FOXP1: variants seen among roughly 807,000 people sequenced by gnomAD.
The protein encoded by FOXP1 is forkhead box P1, also known as forkhead box protein P1.
In FOXP1, 15 loss-of-function variants were observed where a neutral mutation model predicts 98.2. The ratio of observed to expected loss-of-function variants is 0.15; its 90% confidence interval spans 0.10 to 0.24. The LOEUF (loss-of-function observed/expected upper bound fraction) is 0.24, where lower values mean the gene tolerates loss of function less well. Ranked by LOEUF, FOXP1 falls within the 10% of genes least tolerant of loss-of-function variation. The pLI is 1.00. For missense variants in FOXP1, 633 were observed against 848.5 expected (o/e 0.75, Z 3.15); for synonymous variants, 371 against 314.5 (o/e 1.18, Z -1.90).
At chr3:71,065,066 T>TCCGCGGC (rs1221397754) in intron 7 of FOXP1, 135 of 139,984 alleles carry the variant, frequency 9.6e-4, no homozygotes, top group South Asian at 4.9e-3. Flanking sequence ...CACAATGGGC[T>TCCGCGGC]CCGCGGCCCG....
At chr3:71,062,261 T>G (rs1350620920) in intron 7 of FOXP1, among the ~76,000 whole-genome samples, 4 of 152,238 alleles carry the variant, frequency 2.6e-5, no homozygotes, top group Non-Finnish European at 5.9e-5. Flanking sequence ...TTCAGCTAGT[T>G]GAGATTTAAT....
At chr3:71,039,107 C>T (rs1443597905) in intron 11 of FOXP1, among the ~76,000 whole-genome samples, 1 of 151,936 alleles carries the variant, frequency 6.6e-6, no homozygotes. Flanking sequence ...TAGGAACCTA[C>T]TAGATAATAC....
chr3:71,118,502 A>G (rs2058536666), intron 6 of FOXP1, among the ~76,000 whole-genome samples: 1 of 152,222 alleles, frequency 6.6e-6, no homozygotes, highest in Non-Finnish European at 1.5e-5. Context: ...ACACATACAT[A>G]AAGCAAGCTG....
chr3:71,493,400 A>G (rs2091201396), intron 3 of FOXP1, 26 bp downstream of exon 3: 1 of 152,196 alleles, frequency 6.6e-6, no homozygotes, highest in Non-Finnish European at 1.5e-5. Context: ...TTTCAGATGA[A>G]TAATCACAAA....
At chr3:71,467,848 C>T (rs1235412303) in intron 3 of FOXP1, among the ~76,000 whole-genome samples, 1 of 152,184 alleles carries the variant, frequency 6.6e-6, no homozygotes, top group Non-Finnish European at 1.5e-5. Context: ...CGCACTTCTA[C>T]CAAATTTCCA....
In FOXP1 at chr3:70,955,843, C is replaced by CACACACACAG; in HGVS notation, c.*3403_*3404insCTGTGTGTGT. 1 of 233,166 alleles carries CACACACACAG rather than the reference C, an allele frequency of 4.3e-6. No homozygotes were observed. Among genetic ancestry groups the CACACACACAG allele is most frequent in the East Asian group, 6.0e-5 (1 of 16,582 alleles). The allele number at this position is 233,166 out of a possible 1,614,324, so 14.4% of individuals were successfully genotyped here. ...ACACACGCACGCGCGCACACACACA[C>CACACACACAG]ACACACACACACAAAACCTGTACAA... On this transcript the variant is annotated 3_prime_UTR_variant, in exon 21 of 21. Transcript: ENST00000649528.
chr3:71,547,214 G>A (rs1271734721), intron 2 of FOXP1, among the ~76,000 whole-genome samples: 1 of 152,146 alleles, frequency 6.6e-6, no homozygotes, highest in Non-Finnish European at 1.5e-5. Context: ...TTTAGGAAAG[G>A]TTACCCTTTC....
At chr3:71,503,250 T>C (rs2041541126) in intron 2 of FOXP1, among the ~76,000 whole-genome samples, 1 of 152,090 alleles carries the variant, frequency 6.6e-6, no homozygotes, top group South Asian at 2.1e-4. Context: ...ATGTTCCAAC[T>C]AGAAACAAAA....
At chr3:71,339,391 A>C (rs188253991) in intron 4 of FOXP1, among the ~76,000 whole-genome samples, 1 of 152,352 alleles carries the variant, frequency 6.6e-6, no homozygotes, top group East Asian at 1.9e-4. Flanking sequence ...CCTCTAAGGT[A>C]CATTATCATT....
At chr3:71,274,228 T>C (rs567342086) in intron 5 of FOXP1, among the ~76,000 whole-genome samples, 36 of 152,354 alleles carry the variant, frequency 2.4e-4, no homozygotes, top group Middle Eastern at 3.4e-3. Flanking sequence ...CTCAGGGATT[T>C]ATCCATTTTA....
At chr3:71,568,956 A>T (rs2047126672) in intron 2 of FOXP1, among the ~76,000 whole-genome samples, 1 of 152,182 alleles carries the variant, frequency 6.6e-6, no homozygotes, top group African/African-American at 2.4e-5. Context: ...CTGTTCTCTG[A>T]ATTTTCAAAT....
At position 70,972,543 on chromosome 3, in the gene FOXP1, T is replaced by C. The variant is rs981139510; in HGVS notation, c.1652+12A>G. ...CAAGCTAGGCTAAGAAGTTCAAACA[T>C]GGTGGACGTACCCACTGATCTTTTG... On this transcript the variant is annotated intron_variant, in intron 18 of 20. Coordinates refer to ENST00000649528, the MANE Select transcript of FOXP1 (RefSeq NM_001349338.3). The C allele has an allele frequency of 1.7e-5, 28 of 1,614,108 alleles. No homozygotes were observed. Among genetic ancestry groups the C allele is most frequent in the African/African-American group, 1.6e-4 (12 of 74,934 alleles).
At chr3:71,033,145 G>A (rs1414500506) in intron 11 of FOXP1, among the ~76,000 whole-genome samples, 1 of 152,150 alleles carries the variant, frequency 6.6e-6, no homozygotes, top group Non-Finnish European at 1.5e-5. Flanking sequence ...AGGGGACACA[G>A]GCCTTTCCAC....
chr3:71,361,139 G>A (rs2078535238), intron 3 of FOXP1, among the ~76,000 whole-genome samples: 1 of 152,188 alleles, frequency 6.6e-6, no homozygotes, highest in Non-Finnish European at 1.5e-5. Flanking sequence ...CATCAAAAAT[G>A]TTTTTAAGAT....
intron 5 of FOXP1, among the ~76,000 whole-genome samples, chr3:71,220,692 G>C (rs1307286067): frequency 2.0e-5 from 3 of 151,998 alleles, no homozygotes; most frequent in Admixed American, 1.3e-4. Flanking sequence ...GGTGGAGGTT[G>C]CAGTGAGCCG....
At chr3:71,205,597 G>T (rs1265694809) in intron 5 of FOXP1, among the ~76,000 whole-genome samples, 1 of 152,192 alleles carries the variant, frequency 6.6e-6, no homozygotes, top group African/African-American at 2.4e-5. Flanking sequence ...GGTCTCAGGT[G>T]AGTAGAGGCT....
intron 11 of FOXP1, among the ~76,000 whole-genome samples, chr3:71,026,595 G>A (rs1440524318): frequency 1.3e-5 from 2 of 152,178 alleles, no homozygotes; most frequent in African/African-American, 2.4e-5. Context: ...CATCTCATTT[G>A]TAAGCTATCT....
Position 70,970,806 on chromosome 3 carries a change from CTG to C in FOXP1, c.1653-3_1653-2del. 6.2e-7 allele frequency: 1 copy of C among 1,611,592 alleles called. No homozygotes were observed. The highest frequency in any genetic ancestry group is 8.5e-7 in the Non-Finnish European group (1 of 1,177,650). ...CATGTTTTTAATAAGGGAAGGGTTACTGTGTAAGAAAAACATAAAAACTCAAA... is the reference window on the plus strand; with the variant it reads ...CATGTTTTTAATAAGGGAAGGGTTACTGTAAGAAAAACATAAAAACTCAAA... On this transcript the variant is annotated splice_acceptor_variant and splice_polypyrimidine_tract_variant and intron_variant, in intron 18 of 20. Transcript: ENST00000649528. LOFTEE classifies it high-confidence loss of function.
At chr3:71,069,260 A>G (rs2052928914) in intron 7 of FOXP1, among the ~76,000 whole-genome samples, 1 of 152,224 alleles carries the variant, frequency 6.6e-6, no homozygotes. Flanking sequence ...GTTAATTTGT[A>G]TATACACAGT....
Sources: gnomAD v4.1 joint callset for allele counts (sites outside exome capture counted in the v4.1 genomes callset) on GRCh38, gnomAD v4.1.1 for gene constraint, MANE v1.5 for transcripts, NCBI Gene and HGNC (gene_info 2026-07-23, HGNC 2026-07-21) for gene names.